Variants in CCDC7 observed in about 807,000 individuals in gnomAD.
CCDC7 encodes the protein coiled-coil domain-containing protein 7.
Under a neutral mutation model 196.9 loss-of-function variants are expected in CCDC7, and 183 were observed. The observed-to-expected ratio is 0.93, with a 90% CI of 0.82 to 1.05. CCDC7 has a LOEUF of 1.05. Among genes scored for constraint, CCDC7 ranks in the 50% least tolerant of loss-of-function variants. The pLI is 0.00. For missense variants in CCDC7, 1,540 were observed against 1,482.2 expected, an observed-to-expected ratio of 1.04 and a Z score of -0.64; for synonymous variants, 525 against 484.6, an observed-to-expected ratio of 1.08 and a Z score of -1.10.
At chr10:32,483,437 C>A (rs545601014) in intron 8 of CCDC7, among the ~76,000 whole-genome samples, 1 of 152,106 alleles carries the variant, frequency 6.6e-6, no homozygotes, top group South Asian at 2.1e-4. Flanking sequence ...TTCTCCCATT[C>A]TGTAGGTTGC....
rs2072771698 is a variant in CCDC7 at position 32,666,527 on chromosome 10, TC to T, written c.2122+2372del. Among the ~76,000 whole-genome samples, 3 of 113,760 alleles carry T rather than the reference TC, an allele frequency of 2.6e-5. No individual in the cohort carries two copies. In the Admixed American group the frequency reaches 2.7e-4, roughly 10 times the overall value. The allele number at this position is 113,760 out of a possible 152,430, so 74.6% of individuals were successfully genotyped here. ...AACTTCTAATGCTATCGGTCCCCCC[TC>T]CCCCCACCCCATGATAGGCCCCAGT... On this transcript the variant is annotated intron_variant, in intron 21 of 41. Transcript: ENST00000639629.
intron 37 of CCDC7, 81 bp from the exon 39 acceptor site, chr10:32,847,752 A>C: frequency 1.1e-6 from 1 of 879,218 alleles, no homozygotes; most frequent in Non-Finnish European, 1.8e-6. Context: ...AAGAAATTTC[A>C]AAAGAAAAAA....
intron 20 of CCDC7, among the ~76,000 whole-genome samples, chr10:32,638,339 C>T (rs1325620760): frequency 6.6e-6 from 1 of 152,146 alleles, no homozygotes; most frequent in East Asian, 1.9e-4. Context: ...CCAGTTTTTG[C>T]CCATTCAGTA....
chr10:32,716,335 G>C (rs184747280), intron 25 of CCDC7, among the ~76,000 whole-genome samples: 18 of 152,266 alleles, frequency 1.2e-4, no homozygotes, highest in Admixed American at 9.1e-4. Context: ...ATCCATTACA[G>C]ACAAGCAAAT....
At chr10:32,880,938 C>T (rs1392239546), downstream of CCDC7, among the ~76,000 whole-genome samples, 2 of 152,178 alleles carry the variant, frequency 1.3e-5, no homozygotes, top group African/African-American at 4.8e-5. Context: ...GTTAAGGCTA[C>T]ACTATCTGTA....
At chr10:32,528,314 A>G (rs1274401531) in intron 11 of CCDC7, among the ~76,000 whole-genome samples, 1 of 151,670 alleles carries the variant, frequency 6.6e-6, no homozygotes, top group East Asian at 1.9e-4. Context: ...TTACATGAAT[A>G]GGTTCTTTAG....
chr10:32,855,217 T>C (rs569324930), intron 41 of CCDC7, among the ~76,000 whole-genome samples: 1 of 152,120 alleles, frequency 6.6e-6, no homozygotes, highest in East Asian at 1.9e-4. Flanking sequence ...TTTTTTTTTT[T>C]TAATTCATAC....
At chr10:32,637,585 C>T (rs1387275415) in intron 20 of CCDC7, among the ~76,000 whole-genome samples, 1 of 152,106 alleles carries the variant, frequency 6.6e-6, no homozygotes, top group Non-Finnish European at 1.5e-5. Flanking sequence ...TTCCATTGGT[C>T]TATAGCTCTG....
At chr10:32,840,350 A>G (rs1253940882) in intron 33 of CCDC7, among the ~76,000 whole-genome samples, 1 of 152,068 alleles carries the variant, frequency 6.6e-6, no homozygotes, top group Non-Finnish European at 1.5e-5. Flanking sequence ...AATATAAAAC[A>G]TTATTCAAGG....
intron 13 of CCDC7, among the ~76,000 whole-genome samples, chr10:32,549,065 C>T (rs1176298813): frequency 6.6e-6 from 1 of 152,174 alleles, no homozygotes; most frequent in Non-Finnish European, 1.5e-5. Context: ...CGCATCCACA[C>T]CAACATCTAC....
At chr10:32,565,617 A>G in exon 14 of CCDC7, 1 of 1,609,514 alleles carries the variant, frequency 6.2e-7, no homozygotes, top group Non-Finnish European at 8.5e-7. Flanking sequence ...AACAGGCTTT[A>G]CAGGTAAAGG....
chr10:32,765,936 A>G (rs971223584), intron 28 of CCDC7, among the ~76,000 whole-genome samples: 2 of 152,112 alleles, frequency 1.3e-5, no homozygotes, highest in African/African-American at 4.8e-5. Flanking sequence ...CTAGCAATGC[A>G]TCTTCACTGT....
intron 41 of CCDC7, among the ~76,000 whole-genome samples, chr10:32,866,414 A>G (rs1275228383): frequency 1.3e-5 from 2 of 151,866 alleles, no homozygotes; most frequent in East Asian, 1.9e-4. Flanking sequence ...AAAATGAACA[A>G]ATCAATTTAA....
chr10:32,857,875 A>C (rs950022290), intron 41 of CCDC7, among the ~76,000 whole-genome samples: 10 of 152,138 alleles, frequency 6.6e-5, no homozygotes, highest in African/African-American at 2.4e-4. Flanking sequence ...TAAAATAGAC[A>C]AAATCCTTGC....
intron 29 of CCDC7, among the ~76,000 whole-genome samples, chr10:32,800,371 G>C (rs1302447809): frequency 6.6e-6 from 1 of 152,164 alleles, no homozygotes; most frequent in Non-Finnish European, 1.5e-5. Context: ...GGTTCTGCCA[G>C]CTACTAAGTA....
intron 25 of CCDC7, among the ~76,000 whole-genome samples, chr10:32,718,364 G>T (rs1215192487): frequency 1.3e-5 from 2 of 152,070 alleles, no homozygotes; most frequent in African/African-American, 4.8e-5. Flanking sequence ...GTAATGATGG[G>T]ATGTATCTCA....
Position 32,517,127 on chromosome 10 carries a change from T to C in CCDC7, c.873-818T>C, listed in dbSNP as rs74482842. Among the ~76,000 whole-genome samples, 5 of 152,200 alleles carry C rather than the reference T, an allele frequency of 3.3e-5. No individual in the cohort carries two copies. The East Asian group carries it at 9.6e-4, about 29-fold the overall frequency. The stretch of plus-strand genomic sequence containing the variant: ...TTTTGTAAATAAAGTTTAATTGGAA[T>C]ACAGCCATACGCATTGAAGAATAGT... On this transcript the variant is annotated intron_variant, in intron 9 of 41. Coordinates refer to ENST00000639629, the Ensembl canonical transcript of CCDC7.
intron 28 of CCDC7, among the ~76,000 whole-genome samples, chr10:32,742,235 G>C (rs1471450235): frequency 1.3e-5 from 2 of 152,112 alleles, no homozygotes; most frequent in Non-Finnish European, 2.9e-5. Flanking sequence ...AGAAAGTACA[G>C]ATTTCCTCTG....
chr10:32,773,696 G>T (rs1475204355), intron 28 of CCDC7, among the ~76,000 whole-genome samples: 1 of 151,812 alleles, frequency 6.6e-6, no homozygotes, highest in East Asian at 1.9e-4. Flanking sequence ...ATTACTGAAG[G>T]TTTTTTTGCT....
Sources: allele counts gnomAD v4.1 joint callset (sites outside exome capture counted in the v4.1 genomes callset), GRCh38; gene constraint gnomAD v4.1.1; transcripts MANE v1.5; gene names NCBI Gene and HGNC (gene_info 2026-07-23, HGNC 2026-07-21).